The following DCC variants were observed in gnomAD, a reference collection of about 807,000 sequenced individuals.
DCC encodes the protein netrin receptor DCC.
Under a neutral mutation model 172.5 loss-of-function variants are expected in DCC, and 58 were observed. The ratio of observed to expected loss-of-function variants is 0.34; its 90% confidence interval spans 0.27 to 0.42. The LOEUF (loss-of-function observed/expected upper bound fraction) is 0.42, where lower values mean the gene tolerates loss of function less well. Among genes scored for constraint, DCC ranks in the 10% least tolerant of loss-of-function variants. The probability of loss-of-function intolerance (pLI) is 1.00; values close to 1 mark genes in which losing one functional copy is unlikely to be tolerated. For synonymous variants in DCC, 709 were observed against 644.5 expected (o/e 1.10, Z -1.52); for missense variants, 1,740 against 1,791.0 (o/e 0.97, Z 0.51).
At chr18:52,847,053 C>T (rs1298100353) in intron 2 of DCC, among the ~76,000 whole-genome samples, 1 of 152,306 alleles carries the variant, frequency 6.6e-6, no homozygotes, top group East Asian at 1.9e-4. Flanking sequence ...GGAACGCTTT[C>T]TACTGAGATG....
intron 1 of DCC, among the ~76,000 whole-genome samples, chr18:52,494,780 C>T (rs762949890): frequency 6.6e-6 from 1 of 152,030 alleles, no homozygotes; most frequent in East Asian, 1.9e-4. Flanking sequence ...AATTAAAATA[C>T]CTGGCTCACT....
At chr18:53,010,550 T>G (rs113760338) in intron 5 of DCC, among the ~76,000 whole-genome samples, 1,851 of 151,572 alleles carry the variant, frequency 0.012, 26 homozygotes, top group African/African-American at 0.041. Flanking sequence ...GCATACATAC[T>G]GTTTACATTT....
intron 14 of DCC, among the ~76,000 whole-genome samples, chr18:53,325,048 C>T (rs1485924061): frequency 2.0e-5 from 3 of 151,844 alleles, no homozygotes; most frequent in South Asian, 4.1e-4. Context: ...CAAGAATTAG[C>T]TGGGCGTGGT....
At chr18:52,574,756 C>T (rs2033372211) in intron 1 of DCC, among the ~76,000 whole-genome samples, 1 of 152,142 alleles carries the variant, frequency 6.6e-6, no homozygotes, top group Non-Finnish European at 1.5e-5. Context: ...CTGTTGAAGT[C>T]ACTCTTTGTC....
intron 1 of DCC, among the ~76,000 whole-genome samples, chr18:52,436,223 A>T (rs921229583): frequency 1.3e-5 from 2 of 152,170 alleles, no homozygotes; most frequent in Non-Finnish European, 2.9e-5. Context: ...GCTAGGGGAA[A>T]CCCCCAAGTA....
At chr18:53,371,166 G>C (rs1431351602) in intron 15 of DCC, among the ~76,000 whole-genome samples, 3 of 151,872 alleles carry the variant, frequency 2.0e-5, no homozygotes, top group African/African-American at 4.8e-5. Context: ...AAGTTATAAA[G>C]TAACATTTCA....
chr18:52,835,448 G>C (rs1278587978), intron 2 of DCC, among the ~76,000 whole-genome samples: 2 of 152,174 alleles, frequency 1.3e-5, no homozygotes, highest in African/African-American at 4.8e-5. Context: ...TTGCTCAGGA[G>C]TTAAACTACT....
intron 12 of DCC, among the ~76,000 whole-genome samples, chr18:53,225,260 G>A (rs2056008569): frequency 6.6e-6 from 1 of 152,178 alleles, no homozygotes; most frequent in South Asian, 2.1e-4. Context: ...CTCTGAAGTG[G>A]AGTGAAGAGA....
At chr18:52,351,052 G>T (rs1303759251) in intron 1 of DCC, among the ~76,000 whole-genome samples, 1 of 152,070 alleles carries the variant, frequency 6.6e-6, no homozygotes, top group Non-Finnish European at 1.5e-5. Flanking sequence ...TGTAGGAAAG[G>T]GTCTCAGACA....
chr18:53,131,992 T>G (rs1382831842), intron 7 of DCC, among the ~76,000 whole-genome samples: 1 of 135,182 alleles, frequency 7.4e-6, no homozygotes, highest in African/African-American at 2.6e-5. Flanking sequence ...TTTAGCTATA[T>G]TACCCTTTGG....
chr18:52,682,609 A>T (rs1237355278), intron 1 of DCC, among the ~76,000 whole-genome samples: 13 of 152,106 alleles, frequency 8.5e-5, no homozygotes, highest in Admixed American at 7.2e-4. Context: ...ATCTGCTATG[A>T]GGTGCTATTC....
intron 14 of DCC, among the ~76,000 whole-genome samples, chr18:53,328,157 T>C (rs2057489646): frequency 6.6e-6 from 1 of 152,176 alleles, no homozygotes; most frequent in Non-Finnish European, 1.5e-5. Flanking sequence ...TGCTTTGACT[T>C]AGATAAAAGT....
At chr18:52,859,575 G>T (rs2039106117) in intron 2 of DCC, among the ~76,000 whole-genome samples, 5 of 152,154 alleles carry the variant, frequency 3.3e-5, no homozygotes, top group Admixed American at 2.6e-4. Flanking sequence ...TTGCAGATGA[G>T]ATCAAATAGA....
chr18:52,394,266 G>GATT (rs911725145), intron 1 of DCC, among the ~76,000 whole-genome samples: 1 of 151,676 alleles, frequency 6.6e-6, no homozygotes, highest in African/African-American at 2.4e-5. Flanking sequence ...TTAGGATGAT[G>GATT]ATTATTATTA....
intron 1 of DCC, among the ~76,000 whole-genome samples, chr18:52,647,268 A>G (rs2035036784): frequency 6.6e-6 from 1 of 152,192 alleles, no homozygotes; most frequent in African/African-American, 2.4e-5. Flanking sequence ...CTTTAGGCTT[A>G]TAGCTCTCAG....
chr18:53,448,668 G>A (rs2045368014), intron 22 of DCC, among the ~76,000 whole-genome samples: 2 of 149,460 alleles, frequency 1.3e-5, no homozygotes, highest in Admixed American at 1.4e-4. Flanking sequence ...AGACCAGCCT[G>A]GTCAACATGG....
At chr18:53,356,526 A>G (rs1321274348) in intron 15 of DCC, among the ~76,000 whole-genome samples, 1 of 152,068 alleles carries the variant, frequency 6.6e-6, no homozygotes, top group Non-Finnish European at 1.5e-5. Context: ...AGTACTGGGG[A>G]TAGTTTGTGC....
chr18:53,435,277 G>T, intron 22 of DCC, 68 bp downstream of exon 22: 1 of 1,087,736 alleles, frequency 9.2e-7, no homozygotes, highest in East Asian at 2.4e-5. Flanking sequence ...AGAGTGTCTG[G>T]GGCAAATTTT....
At chr18:52,499,966 C>T (rs2030955759) in intron 1 of DCC, among the ~76,000 whole-genome samples, 1 of 152,112 alleles carries the variant, frequency 6.6e-6, no homozygotes, top group African/African-American at 2.4e-5. Flanking sequence ...ATATGCTTTG[C>T]AGGCCGTTGG....
Sources: allele counts gnomAD v4.1 joint callset (sites outside exome capture counted in the v4.1 genomes callset), GRCh38; gene constraint gnomAD v4.1.1; transcripts MANE v1.5; gene names NCBI Gene and HGNC (gene_info 2026-07-23, HGNC 2026-07-21).